Variants in ADAMTSL1 observed in about 807,000 individuals in gnomAD.
ADAMTSL1 encodes the protein ADAMTS like 1, also known as ADAMTS-like protein 1.
A neutral mutation model predicts 201.8 loss-of-function variants in ADAMTSL1; 126 were observed. That is an observed-to-expected ratio of 0.62 (90% CI 0.54 to 0.72). The LOEUF (loss-of-function observed/expected upper bound fraction) is 0.72, where lower values mean the gene tolerates loss of function less well. ADAMTSL1 is among the 30% of genes least tolerant of loss of function. The pLI is 0.00. For missense variants in ADAMTSL1, 2,679 were observed against 2,277.8 expected (o/e 1.18, Z -3.59); for synonymous variants, 1,121 against 903.4 (o/e 1.24, Z -4.32).
At chr9:18,090,700 C>T (rs918273248) in intron 1 of ADAMTSL1, among the ~76,000 whole-genome samples, 2 of 152,124 alleles carry the variant, frequency 1.3e-5, no homozygotes, top group African/African-American at 4.8e-5. Flanking sequence ...TATGAATATA[C>T]TTAATACCAG....
chr9:17,914,957 T>C (rs1172846076), intron 1 of ADAMTSL1, among the ~76,000 whole-genome samples: 1 of 152,222 alleles, frequency 6.6e-6, no homozygotes, highest in Non-Finnish European at 1.5e-5. Flanking sequence ...CTGTATGTTC[T>C]TGCTGTTGTT....
intron 2 of ADAMTSL1, among the ~76,000 whole-genome samples, chr9:18,321,533 C>G (rs1009550821): frequency 6.6e-6 from 1 of 152,196 alleles, no homozygotes; most frequent in Non-Finnish European, 1.5e-5. Context: ...GTGGCTCACG[C>G]CTGTAATCCC....
chr9:18,786,939 CT>C (rs1252840348), intron 19 of ADAMTSL1, among the ~76,000 whole-genome samples: 1 of 152,168 alleles, frequency 6.6e-6, no homozygotes, highest in Non-Finnish European at 1.5e-5. Context: ...ATTTGGAAGT[CT>C]TTAACTTGGG....
At chr9:18,274,324 T>G (rs1352418027) in intron 2 of ADAMTSL1, among the ~76,000 whole-genome samples, 1 of 152,208 alleles carries the variant, frequency 6.6e-6, no homozygotes, top group Admixed American at 6.5e-5. Context: ...GTAGCGTTGT[T>G]GAGTTGTCCA....
At chr9:18,511,971 C>G (rs1818056652) in intron 2 of ADAMTSL1, among the ~76,000 whole-genome samples, 1 of 152,078 alleles carries the variant, frequency 6.6e-6, no homozygotes, top group Admixed American at 6.6e-5. Context: ...ATCTGTTATT[C>G]TTCATCTGGT....
chr9:18,552,719 C>T (rs1011214673), intron 3 of ADAMTSL1, among the ~76,000 whole-genome samples: 1 of 151,594 alleles, frequency 6.6e-6, no homozygotes, highest in East Asian at 1.9e-4. Flanking sequence ...GGTAGATATA[C>T]ATTTAAAATT....
chr9:17,982,194 A>C (rs1381567470), intron 1 of ADAMTSL1, among the ~76,000 whole-genome samples: 1 of 152,196 alleles, frequency 6.6e-6, no homozygotes, highest in Non-Finnish European at 1.5e-5. Context: ...TTCATTACTG[A>C]CATAGCATGA....
intron 1 of ADAMTSL1, among the ~76,000 whole-genome samples, chr9:17,943,688 T>G (rs2131353538): frequency 6.6e-6 from 1 of 152,222 alleles, no homozygotes; most frequent in Admixed American, 6.5e-5. Flanking sequence ...TGAATATGGA[T>G]TCTTATTTGT....
intron 20 of ADAMTSL1, among the ~76,000 whole-genome samples, chr9:18,798,769 C>A (rs73421116): frequency 0.011 from 1,635 of 152,306 alleles, 28 homozygotes; most frequent in African/African-American, 0.038. Context: ...GAGTTTGCCC[C>A]GTCCCGTAGA....
chr9:18,521,500 A>G (rs1818689561), intron 2 of ADAMTSL1, among the ~76,000 whole-genome samples: 1 of 151,928 alleles, frequency 6.6e-6, no homozygotes, highest in Non-Finnish European at 1.5e-5. Flanking sequence ...ATATTTATTC[A>G]ATGTTTATTA....
intron 23 of ADAMTSL1, among the ~76,000 whole-genome samples, chr9:18,852,643 A>G (rs980444896): frequency 6.6e-6 from 1 of 152,212 alleles, no homozygotes; most frequent in Non-Finnish European, 1.5e-5. Context: ...ATCAAGAAAA[A>G]GGAAAGGACT....
At chr9:18,626,903 CTTTCT>C (rs1291190348) in intron 5 of ADAMTSL1, among the ~76,000 whole-genome samples, 1 of 145,166 alleles carries the variant, frequency 6.9e-6, no homozygotes, top group Non-Finnish European at 1.5e-5. Flanking sequence ...TCCTTCCTTT[CTTTCT>C]TTTCTTTTTT....
chr9:18,283,193 ACTC>A (rs1051674996), intron 2 of ADAMTSL1, among the ~76,000 whole-genome samples: 4 of 151,578 alleles, frequency 2.6e-5, no homozygotes, highest in Admixed American at 2.6e-4. Context: ...ATTATAAAAT[ACTC>A]CTCTCTTTCT....
intron 16 of ADAMTSL1, among the ~76,000 whole-genome samples, chr9:18,762,285 A>G (rs1820116445): frequency 6.6e-6 from 1 of 152,166 alleles, no homozygotes; most frequent in Non-Finnish European, 1.5e-5. Context: ...GGTGGGTTGG[A>G]GGTGATTTGT....
At chr9:18,690,895 C>T (rs1831172347) in intron 13 of ADAMTSL1, among the ~76,000 whole-genome samples, 1 of 152,212 alleles carries the variant, frequency 6.6e-6, no homozygotes, top group Admixed American at 6.5e-5. Flanking sequence ...ATTGTTCACA[C>T]CTCCTAATGA....
chr9:18,893,059 A>G (rs1829391880), intron 26 of ADAMTSL1, among the ~76,000 whole-genome samples: 1 of 151,760 alleles, frequency 6.6e-6, no homozygotes, highest in African/African-American at 2.4e-5. Flanking sequence ...ATGCTAGCCA[A>G]TCAACATACC....
chr9:18,283,535 A>G (rs2265963), intron 2 of ADAMTSL1, among the ~76,000 whole-genome samples: 5,057 of 143,050 alleles, frequency 0.035, 297 homozygotes, highest in African/African-American at 0.12. Context: ...GAGCCTGGGA[A>G]GTTGAGGCTG....
At chr9:18,408,201 G>A (rs1171520208) in intron 2 of ADAMTSL1, among the ~76,000 whole-genome samples, 1 of 152,196 alleles carries the variant, frequency 6.6e-6, no homozygotes. Context: ...AGGCGCTGTG[G>A]CTGACACCTG....
intron 1 of ADAMTSL1, among the ~76,000 whole-genome samples, chr9:18,494,635 A>T (rs750517698): frequency 2.0e-4 from 31 of 152,220 alleles, no homozygotes; most frequent in Admixed American, 1.3e-3. Context: ...ATGAATCTAG[A>T]ATGTTGATTT....
Sources: gnomAD v4.1 joint callset for allele counts (sites outside exome capture counted in the v4.1 genomes callset) on GRCh38, gnomAD v4.1.1 for gene constraint, MANE v1.5 for transcripts, NCBI Gene and HGNC (gene_info 2026-07-23, HGNC 2026-07-21) for gene names.